TIAM2: variants seen among roughly 807,000 people sequenced by gnomAD.
TIAM2 encodes the protein TIAM Rac1 associated GEF 2.
In TIAM2, 80 loss-of-function variants were observed where a neutral mutation model predicts 152.9. The observed-to-expected ratio is 0.52, with a 90% CI of 0.44 to 0.63. The LOEUF (loss-of-function observed/expected upper bound fraction) is 0.63, where lower values mean the gene tolerates loss of function less well. Ranked by LOEUF, TIAM2 falls within the 30% of genes least tolerant of loss-of-function variation. The probability of loss-of-function intolerance (pLI) is 0.00; values close to 1 mark genes in which losing one functional copy is unlikely to be tolerated. For synonymous variants in TIAM2, 804 were observed against 838.0 expected, an observed-to-expected ratio of 0.96 and a Z score of 0.70; for missense variants, 1,965 against 2,120.1, an observed-to-expected ratio of 0.93 and a Z score of 1.44.
At chr6:155,187,899 C>G (rs573992781) in intron 14 of TIAM2, among the ~76,000 whole-genome samples, 1 of 152,044 alleles carries the variant, frequency 6.6e-6, no homozygotes, top group South Asian at 2.1e-4. Context: ...TTTTAACTTG[C>G]GCAGGTGTGG....
chr6:155,087,977 T>A (rs1778210474), intron 1 of TIAM2, among the ~76,000 whole-genome samples: 1 of 151,886 alleles, frequency 6.6e-6, no homozygotes, highest in East Asian at 1.9e-4. Context: ...TCCATCCCAA[T>A]CCTGATATCC....
chr6:155,036,054 T>C (rs1038234475), intron 1 of TIAM2, among the ~76,000 whole-genome samples: 1 of 152,214 alleles, frequency 6.6e-6, no homozygotes, highest in Non-Finnish European at 1.5e-5. Flanking sequence ...GTACAGAGTA[T>C]GTATCATTTA....
At chr6:155,059,963 G>C (rs566654376) in intron 1 of TIAM2, among the ~76,000 whole-genome samples, 1 of 152,232 alleles carries the variant, frequency 6.6e-6, no homozygotes, top group African/African-American at 2.4e-5. Context: ...CAGATTTTGG[G>C]AGACATACAG....
intron 1 of TIAM2, among the ~76,000 whole-genome samples, chr6:155,015,417 G>C (rs1451939595): frequency 6.6e-6 from 1 of 152,110 alleles, no homozygotes. Context: ...TGGGTATGTA[G>C]ATTCAGATTC....
Position 155,189,549 on chromosome 6 carries a change from A to G in TIAM2, c.3064+6049A>G, listed in dbSNP as rs565175685. Among the ~76,000 whole-genome samples the G allele has an allele frequency of 3.0e-4, 45 of 151,976 alleles. 1 individual carries two copies. In the South Asian group the frequency reaches 8.7e-3, roughly 29 times the overall value. ...TCCTGGATACTAATTTCCTTATAAA[A>G]CTTAGTTTTGTTTGATTCTCTTTTT... On this transcript the variant is annotated intron_variant, in intron 14 of 26. Transcript: ENST00000682666.
At chr6:155,178,080 C>G (rs1346208801) in intron 10 of TIAM2, among the ~76,000 whole-genome samples, 1 of 150,208 alleles carries the variant, frequency 6.7e-6, no homozygotes, top group Non-Finnish European at 1.5e-5. Flanking sequence ...AGAATGGCGT[C>G]AACCTGGGAG....
intron 14 of TIAM2, among the ~76,000 whole-genome samples, chr6:155,207,744 AG>A (rs1317976379): frequency 6.6e-6 from 1 of 152,230 alleles, no homozygotes; most frequent in African/African-American, 2.4e-5. Flanking sequence ...GGGTTCTGAC[AG>A]GAAGGGGTCA....
intron 14 of TIAM2, among the ~76,000 whole-genome samples, chr6:155,210,444 A>G (rs1781692949): frequency 6.6e-6 from 1 of 151,276 alleles, no homozygotes; most frequent in African/African-American, 2.4e-5. Flanking sequence ...TCAGCCGTCC[A>G]AGTAGCTGGG....
In TIAM2 at chr6:155,223,979, T is replaced by C. The variant is rs1782152266; in HGVS notation, c.3168+12672T>C. 2.6e-5 allele frequency among the ~76,000 whole-genome samples: 4 copies of C among 152,226 alleles called. No individual in the cohort carries two copies. In the South Asian group the frequency reaches 6.2e-4, roughly 24 times the overall value. On this transcript the variant is annotated intron_variant, in intron 15 of 26. Coordinates refer to ENST00000682666, the MANE Select transcript of TIAM2 (RefSeq NM_012454.4). ...GGTGCCTGGAATCTCATCCGATCTT[T>C]AATATTTACCCAGGGGGGTGGGTGT...
At chr6:155,063,272 A>T (rs1015690869) in intron 1 of TIAM2, among the ~76,000 whole-genome samples, 7 of 152,158 alleles carry the variant, frequency 4.6e-5, no homozygotes, top group Non-Finnish European at 1.0e-4. Context: ...TTTTTTCCAC[A>T]ATCAACTAAA....
At chr6:155,024,099 G>A (rs1268203744) in intron 1 of TIAM2, among the ~76,000 whole-genome samples, 1 of 152,172 alleles carries the variant, frequency 6.6e-6, no homozygotes, top group Non-Finnish European at 1.5e-5. Flanking sequence ...AAGGAGCTGA[G>A]CTGGGTTTTG....
chr6:155,207,141 G>A (rs1309983345), intron 14 of TIAM2, among the ~76,000 whole-genome samples: 1 of 152,192 alleles, frequency 6.6e-6, no homozygotes. Context: ...AGAATATAAG[G>A]GGGCTATGTA....
chr6:155,048,016 G>A (rs1022920962), intron 1 of TIAM2, among the ~76,000 whole-genome samples: 2 of 151,830 alleles, frequency 1.3e-5, no homozygotes, highest in African/African-American at 4.8e-5. Context: ...GCAGTGGCGC[G>A]ATCTCCACTC....
intron 1 of TIAM2, among the ~76,000 whole-genome samples, chr6:155,022,912 G>A (rs538808595): frequency 6.6e-6 from 1 of 152,338 alleles, no homozygotes; most frequent in South Asian, 2.1e-4. Context: ...GGGCTTGGCA[G>A]CCATGGACGT....
rs564906386 is a variant in TIAM2, at chr6:155,214,193, G to C, written c.3168+2886G>C. 6.6e-6 allele frequency among the ~76,000 whole-genome samples: 1 copy of C among 152,360 alleles called. No individual in the cohort carries two copies. The highest frequency in any genetic ancestry group is 2.4e-5 in the African/African-American group (1 of 41,586). On this transcript the variant is annotated intron_variant, in intron 15 of 26. Coordinates refer to ENST00000682666, the MANE Select transcript of TIAM2 (RefSeq NM_012454.4). The surrounding 1 kb of genome is among the most constrained non-coding windows in gnomAD (Gnocchi z 5.4). ...TGGGGCTTCCACATTCTCAGCTCCT[G>C]CTGGCTCCATGGAACGCACAGCGCT...
intron 1 of TIAM2, among the ~76,000 whole-genome samples, chr6:155,087,667 TG>T (rs1232970179): frequency 3.3e-5 from 5 of 152,028 alleles, no homozygotes; most frequent in Admixed American, 2.6e-4. Flanking sequence ...GAGAATTGCT[TG>T]AACTCGGGAG....
chr6:155,082,673 TAAATA>T (rs1778092227), intron 1 of TIAM2, among the ~76,000 whole-genome samples: 1 of 146,366 alleles, frequency 6.8e-6, no homozygotes, highest in African/African-American at 2.6e-5. Flanking sequence ...CCCCAATAAA[TAAATA>T]AATAAATAAA....
At chr6:155,104,480 C>T (rs543460324) in intron 2 of TIAM2, among the ~76,000 whole-genome samples, 38 of 152,190 alleles carry the variant, frequency 2.5e-4, no homozygotes, top group South Asian at 1.5e-3. Flanking sequence ...AAAGCATGGC[C>T]GGCACGGTGG....
chr6:155,085,494 A>G (rs1389442005), intron 1 of TIAM2, among the ~76,000 whole-genome samples: 2 of 152,014 alleles, frequency 1.3e-5, no homozygotes, highest in Non-Finnish European at 2.9e-5. Context: ...GGCACTCTGA[A>G]CTTCACCCAG....
Sources: allele counts gnomAD v4.1 joint callset (sites outside exome capture counted in the v4.1 genomes callset), GRCh38; gene constraint gnomAD v4.1.1; non-coding constraint Gnocchi (gnomAD v3.1); transcripts MANE v1.5; gene names NCBI Gene and HGNC (gene_info 2026-07-23, HGNC 2026-07-21).